The following TMCC3 variants were observed in gnomAD, a reference collection of about 807,000 sequenced individuals.
TMCC3 encodes transmembrane and coiled-coil domain family 3.
In TMCC3, 28 loss-of-function variants were observed where a neutral mutation model predicts 40.2. That is an observed-to-expected ratio of 0.70 (90% CI 0.52 to 0.95). TMCC3 has a LOEUF of 0.95. Among genes scored for constraint, TMCC3 ranks in the 40% least tolerant of loss-of-function variants. The probability of loss-of-function intolerance (pLI) is 0.00; values close to 1 mark genes in which losing one functional copy is unlikely to be tolerated. For missense variants in TMCC3, 554 were observed against 615.2 expected, an observed-to-expected ratio of 0.90 and a Z score of 1.05; for synonymous variants, 255 against 248.5, an observed-to-expected ratio of 1.03 and a Z score of -0.25.
chr12:94,590,260 AT>A lies in TMCC3; in HGVS notation c.79-7723del, dbSNP rs72186655. 3.9e-3 allele frequency among the ~76,000 whole-genome samples: 335 copies of A among 85,344 alleles called. 3 individuals are homozygous for A. The highest frequency in any genetic ancestry group is 0.012 in the African/African-American group (217 of 18,224). 56.0% of individuals were successfully genotyped at this position (85,344 alleles called of 152,430 possible). On this transcript the variant is annotated intron_variant, in intron 1 of 3. Transcript: ENST00000261226. ...AGGTGAGTGCCACCACGCCCTGCTA[AT>A]TTTTTTTTTTTTTTTTTTTTTTTTA...
chr12:94,580,886 G>A (rs181984540), intron 2 of TMCC3, among the ~76,000 whole-genome samples: 25 of 152,324 alleles, frequency 1.6e-4, no homozygotes, highest in African/African-American at 6.0e-4. Flanking sequence ...TTAGCATAAT[G>A]ACACTATAAC....
intron 1 of TMCC3, among the ~76,000 whole-genome samples, chr12:94,630,412 G>C (rs557640809): frequency 1.3e-5 from 2 of 152,252 alleles, no homozygotes; most frequent in Non-Finnish European, 2.9e-5. Context: ...CTGTCTACTG[G>C]TTTAGGGGCA....
At chr12:94,596,953 T>C (rs1421062311) in intron 1 of TMCC3, among the ~76,000 whole-genome samples, 1 of 151,926 alleles carries the variant, frequency 6.6e-6, no homozygotes, top group Non-Finnish European at 1.5e-5. Flanking sequence ...GGCTCTTCAC[T>C]GCTCCAAGCA....
chr12:94,623,302 A>G (rs1429682329), intron 1 of TMCC3, among the ~76,000 whole-genome samples: 1 of 151,980 alleles, frequency 6.6e-6, no homozygotes. Context: ...ACATTTGTTG[A>G]GTGCCTACCA....
At chr12:94,590,260 ATTTTT>A (rs72186655) in intron 1 of TMCC3, among the ~76,000 whole-genome samples, 8 of 85,362 alleles carry the variant, frequency 9.4e-5, no homozygotes, top group African/African-American at 4.4e-4. Context: ...CGCCCTGCTA[ATTTTT>A]TTTTTTTTTT....
intron 1 of TMCC3, among the ~76,000 whole-genome samples, chr12:94,610,917 A>G (rs2651973): frequency 0.49 from 73,807 of 151,970 alleles, 18,270 homozygotes; most frequent in African/African-American, 0.52. Context: ...GGGAATCTGC[A>G]GACACAGATA....
chr12:94,619,279 G>A (rs1476824336), intron 1 of TMCC3, among the ~76,000 whole-genome samples: 1 of 152,158 alleles, frequency 6.6e-6, no homozygotes, highest in East Asian at 1.9e-4. Flanking sequence ...CTGATCTAGA[G>A]CAGGATTTTC....
At chr12:94,589,744 A>G (rs2068660773) in intron 1 of TMCC3, among the ~76,000 whole-genome samples, 2 of 152,192 alleles carry the variant, frequency 1.3e-5, no homozygotes, top group Admixed American at 1.3e-4. Context: ...GCACTGTGCT[A>G]AAGATTTTTT....
At chr12:94,615,432 C>A (rs1341997378) in intron 1 of TMCC3, among the ~76,000 whole-genome samples, 2 of 152,210 alleles carry the variant, frequency 1.3e-5, no homozygotes, top group Non-Finnish European at 2.9e-5. Context: ...GGCTGGGCAG[C>A]ATCACACAAA....
chr12:94,581,377 T>C (rs1349390148), intron 2 of TMCC3, among the ~76,000 whole-genome samples: 2 of 152,196 alleles, frequency 1.3e-5, no homozygotes, highest in Non-Finnish European at 2.9e-5. Context: ...ATTAGGGATG[T>C]ATTGATTGCT....
At chr12:94,629,630 G>A (rs572035470) in intron 1 of TMCC3, among the ~76,000 whole-genome samples, 5 of 152,282 alleles carry the variant, frequency 3.3e-5, no homozygotes, top group Non-Finnish European at 7.4e-5. Flanking sequence ...GGCCCTGTCG[G>A]AGAAGAAAGC....
At chr12:94,643,400 A>G (rs1475280318) in intron 1 of TMCC3, among the ~76,000 whole-genome samples, 2 of 152,190 alleles carry the variant, frequency 1.3e-5, no homozygotes, top group Non-Finnish European at 2.9e-5. Flanking sequence ...ATGAGGATCT[A>G]CTGAGGAGAC....
Position 94,592,902 on chromosome 12 carries a change from G to A in TMCC3, c.79-10364C>T, listed in dbSNP as rs534741939. ...ACAAACACCTGATACTGTAATTAGA[G>A]ATAATTATCTTCGGCCAGGCGCGGT... On this transcript the variant is annotated intron_variant, in intron 1 of 3. Coordinates refer to ENST00000261226, the MANE Select transcript of TMCC3 (RefSeq NM_020698.4). 4.4e-3 allele frequency among the ~76,000 whole-genome samples: 669 copies of A among 151,954 alleles called. 2 individuals carry two copies. The highest frequency in any genetic ancestry group is 5.8e-3 in the Non-Finnish European group (396 of 67,938).
At chr12:94,608,483 C>T (rs2068796328) in intron 1 of TMCC3, among the ~76,000 whole-genome samples, 1 of 152,104 alleles carries the variant, frequency 6.6e-6, no homozygotes, top group Non-Finnish European at 1.5e-5. Flanking sequence ...TTGCTCCCTC[C>T]AACACCTGAC....
intron 1 of TMCC3, among the ~76,000 whole-genome samples, chr12:94,599,017 A>G (rs1192912564): frequency 6.6e-6 from 1 of 152,196 alleles, no homozygotes; most frequent in Non-Finnish European, 1.5e-5. Context: ...TATCCTAAAT[A>G]AAGGTTTGCT....
chr12:94,618,397 C>T (rs557592535), intron 1 of TMCC3, among the ~76,000 whole-genome samples: 1 of 152,348 alleles, frequency 6.6e-6, no homozygotes, highest in African/African-American at 2.4e-5. Context: ...AGTATACCTA[C>T]CTCACATTCT....
chr12:94,578,938 T>C (rs756213084), intron 2 of TMCC3, among the ~76,000 whole-genome samples: 10 of 152,154 alleles, frequency 6.6e-5, no homozygotes, highest in Admixed American at 1.3e-4. Flanking sequence ...GACACTGCTG[T>C]TGGGGTTCAT....
intron 2 of TMCC3, 149 bp downstream of exon 2, chr12:94,581,473 T>A: frequency 2.3e-6 from 1 of 441,062 alleles, no homozygotes. Flanking sequence ...CAGTAACTCA[T>A]CCTTTTAAAA....
chr12:94,631,951 T>C (rs149409394), intron 1 of TMCC3, among the ~76,000 whole-genome samples: 1 of 152,332 alleles, frequency 6.6e-6, no homozygotes, highest in East Asian at 1.9e-4. Flanking sequence ...CTCTTAAAAG[T>C]ATATTGACAC....
Sources: gnomAD v4.1 joint callset for allele counts (sites outside exome capture counted in the v4.1 genomes callset) on GRCh38, gnomAD v4.1.1 for gene constraint, MANE v1.5 for transcripts, NCBI Gene and HGNC (gene_info 2026-07-23, HGNC 2026-07-21) for gene names.